The following DNAH11 variants were observed in gnomAD, a reference collection of about 807,000 sequenced individuals.
DNAH11 encodes the protein axonemal beta dynein heavy chain 11.
In DNAH11, 442 loss-of-function variants were observed where a neutral mutation model predicts 526.0. The ratio of observed to expected loss-of-function variants is 0.84; its 90% CI spans 0.78 to 0.91. The LOEUF (loss-of-function observed/expected upper bound fraction) is 0.91. Among genes scored for constraint, DNAH11 ranks in the 40% least tolerant of loss-of-function variants. The probability of loss-of-function intolerance (pLI) is 0.00; values close to 1 mark genes in which losing one functional copy is unlikely to be tolerated. For synonymous variants in DNAH11, 2,461 were observed against 1,935.9 expected, an observed-to-expected ratio of 1.27 and a Z score of -7.12; for missense variants, 6,989 against 5,448.7, an observed-to-expected ratio of 1.28 and a Z score of -8.90.
intron 56 of DNAH11, among the ~76,000 whole-genome samples, chr7:21,776,874 A>C (rs1388684356): frequency 6.6e-6 from 1 of 152,102 alleles, no homozygotes; most frequent in South Asian, 2.1e-4. Flanking sequence ...CAATGCCAAA[A>C]CCAGGAAAGT....
rs141753509 is a variant in DNAH11, at chr7:21,578,851, A to G, written c.1594-3054A>G. Among the ~76,000 whole-genome samples, 93 of 152,244 alleles carry G rather than the reference A, an allele frequency of 6.1e-4. No individual in the cohort carries two copies. In the East Asian group the frequency reaches 0.016, roughly 27 times the overall value. The stretch of plus-strand genomic sequence containing the variant: ...TATTTCATACACATCTCAAAATCAC[A>G]TTCAGATCTAAACCCCTGCCTGTCC... On this transcript the variant is annotated intron_variant, in intron 8 of 81. Transcript: ENST00000409508.
intron 64 of DNAH11, among the ~76,000 whole-genome samples, chr7:21,817,942 A>G (rs966249772): frequency 1.3e-5 from 2 of 152,198 alleles, no homozygotes; most frequent in African/African-American, 2.4e-5. Flanking sequence ...ACTTATTTCA[A>G]CTACAGTTGC....
In DNAH11 at chr7:21,621,353, C is replaced by G. The variant is rs1300463614; in HGVS notation, c.4500+1275C>G. 2.6e-5 allele frequency among the ~76,000 whole-genome samples: 4 copies of G among 152,104 alleles called. No homozygotes were observed. In the South Asian group the frequency reaches 6.2e-4, roughly 24 times the overall value. On this transcript the variant is annotated intron_variant, in intron 25 of 81. Transcript: ENST00000409508. ...CAATAGCTTACCAACCAAAAAGAGT[C>G]CAGGACCAGATGGATTCACAGCCGA...
chr7:21,892,388 A>T, intron 76 of DNAH11, 37 bp from the exon 77 acceptor site: 1 of 1,580,850 alleles, frequency 6.3e-7, no homozygotes. Flanking sequence ...ATGCCTACCT[A>T]CATTTGGAAT....
At chr7:21,718,048 T>A in intron 43 of DNAH11, 123 bp downstream of exon 43, 1 of 1,367,534 alleles carries the variant, frequency 7.3e-7, no homozygotes, top group Middle Eastern at 2.0e-4. Context: ...GTTAGATTGC[T>A]GCAACCCTCT....
At position 21,683,768 on chromosome 7, in the gene DNAH11, T is replaced by A; in HGVS notation, c.5461-16T>A. 1 of 1,573,756 alleles carries A rather than the reference T, an allele frequency of 6.4e-7. No individual in the cohort carries two copies. Among genetic ancestry groups the A allele is most frequent in the East Asian group, 2.3e-5 (1 of 44,396 alleles). On this transcript the variant is annotated splice_polypyrimidine_tract_variant and intron_variant, in intron 31 of 81. Coordinates refer to ENST00000409508, the MANE Select transcript of DNAH11 (RefSeq NM_001277115.2). Reference sequence around the variant, plus strand: ...CTACCAGTGTCCTGCGTATGATGATTATGCAATGCCTTTAGGTTGTCAGTC... The same window carrying A: ...CTACCAGTGTCCTGCGTATGATGATAATGCAATGCCTTTAGGTTGTCAGTC...
rs757686157 is a variant in DNAH11, at chr7:21,687,402, G to A, written c.5799G>A (p.Lys1933=). 1 of 1,613,336 alleles carries A rather than the reference G, an allele frequency of 6.2e-7. No individual in the cohort carries two copies. The highest frequency in any genetic ancestry group is 8.5e-7 in the Non-Finnish European group (1 of 1,179,762). The stretch of plus-strand genomic sequence containing the variant: ...TTTAGTCCATAGGCAATATCTATAA[G>A]GGATTGGTGCAGACAGGAGCTTGGG... ...MDYKSIGNIY[K]GLVQTGAWGC... The change falls in exon 34 of 82, where the codon AAG becomes AAA. Residue 1933 remains lysine, a synonymous_variant. Coordinates refer to ENST00000409508, the MANE Select transcript of DNAH11 (RefSeq NM_001277115.2).
intron 68 of DNAH11, among the ~76,000 whole-genome samples, chr7:21,857,477 C>G (rs1374748551): frequency 6.6e-6 from 1 of 151,776 alleles, no homozygotes; most frequent in Non-Finnish European, 1.5e-5. Context: ...GCAAGCTTAT[C>G]CTGAAAATTT....
At position 21,880,768 on chromosome 7, in the gene DNAH11, C is replaced by T. The variant is rs1229709690; in HGVS notation, c.12262C>T (p.His4088Tyr). 5 of 1,613,978 alleles carry T rather than the reference C, an allele frequency of 3.1e-6. No individual in the cohort carries two copies. Among genetic ancestry groups the T allele is most frequent in the Non-Finnish European group, 3.4e-6 (4 of 1,179,896 alleles). ...KSILFSLCYF[H>Y]ACVAGRLRFG... ...CATCCTTTTTTCTCTCTGCTACTTC[C>T]ACGCCTGTGTTGCTGGGAGACTGAG... is the stretch of plus-strand genomic sequence containing the variant. The change falls in exon 75 of 82, where the codon CAC becomes TAC. Residue 4088 changes from histidine to tyrosine, a missense_variant. By Grantham distance (83) the His-to-Tyr change is moderately conservative. Transcript: ENST00000409508.
chr7:21,618,695 T>TA (rs1785899563), intron 23 of DNAH11, among the ~76,000 whole-genome samples: 2 of 152,168 alleles, frequency 1.3e-5, no homozygotes, highest in Non-Finnish European at 2.9e-5. Flanking sequence ...AGCTGGGAAT[T>TA]ATGTTCAGTG....
chr7:21,752,443 A>C (rs1485330020), intron 54 of DNAH11, among the ~76,000 whole-genome samples: 7 of 152,102 alleles, frequency 4.6e-5, no homozygotes, highest in Non-Finnish European at 8.8e-5. Context: ...TCACTTTTCT[A>C]TTGGATTGTA....
At chr7:21,604,361 T>G (rs1461041553) in intron 18 of DNAH11, among the ~76,000 whole-genome samples, 1 of 152,080 alleles carries the variant, frequency 6.6e-6, no homozygotes, top group African/African-American at 2.4e-5. Flanking sequence ...TTCATCCCAT[T>G]CCTCCTCACA....
At chr7:21,578,678 C>T (rs564058961) in intron 8 of DNAH11, among the ~76,000 whole-genome samples, 1 of 152,222 alleles carries the variant, frequency 6.6e-6, no homozygotes. Context: ...GAGCTGTGCT[C>T]CTGCAACTGA....
chr7:21,562,739 A>G (rs903854061), intron 5 of DNAH11, among the ~76,000 whole-genome samples: 1 of 152,184 alleles, frequency 6.6e-6, no homozygotes, highest in African/African-American at 2.4e-5. Context: ...TAATTTTGAC[A>G]TAAACATTGA....
intron 36 of DNAH11, among the ~76,000 whole-genome samples, chr7:21,699,941 A>C (rs1783991772): frequency 6.6e-6 from 1 of 152,220 alleles, no homozygotes; most frequent in Non-Finnish European, 1.5e-5. Flanking sequence ...TTCAGTTTAC[A>C]TGACATAAAA....
rs76240255 is a variant in DNAH11 at position 21,783,308 on chromosome 7, A to G, written c.9484-1119A>G. 4.1e-3 allele frequency among the ~76,000 whole-genome samples: 632 copies of G among 152,340 alleles called. 2 individuals are homozygous for G. The highest frequency in any genetic ancestry group is 0.014 in the African/African-American group (595 of 41,574). On this transcript the variant is annotated intron_variant, in intron 57 of 81. Transcript: ENST00000409508. ...TACCCCGAACCAATTATGTTTATAA[A>G]AGGTACAGTACACAGCAAAATAATG...
At chr7:21,800,281 G>C (rs1788917317) in intron 61 of DNAH11, among the ~76,000 whole-genome samples, 1 of 152,084 alleles carries the variant, frequency 6.6e-6, no homozygotes, top group Non-Finnish European at 1.5e-5. Flanking sequence ...ATCCTCCCAG[G>C]TCTTTCAATG....
intron 74 of DNAH11, 80 bp downstream of exon 74, chr7:21,873,581 C>G: frequency 1.4e-6 from 2 of 1,391,680 alleles, no homozygotes; most frequent in Non-Finnish European, 2.0e-6. Context: ...TCAACCCAGG[C>G]ATGTCATTGA....
intron 45 of DNAH11, among the ~76,000 whole-genome samples, chr7:21,726,705 C>A (rs554481076): frequency 1.6e-3 from 233 of 149,912 alleles, no homozygotes; most frequent in African/African-American, 5.4e-3. Flanking sequence ...ACTAAAAATA[C>A]AAAAAATTAG....
Sources: gnomAD v4.1 joint callset for allele counts (sites outside exome capture counted in the v4.1 genomes callset) on GRCh38, gnomAD v4.1.1 for gene constraint, MANE v1.5 for transcripts, NCBI Gene and HGNC (gene_info 2026-07-23, HGNC 2026-07-21) for gene names.